HCRTR2: variants seen among roughly 807,000 people sequenced by gnomAD.
HCRTR2 encodes the protein hypocretin receptor 2.
Under a neutral mutation model 49.0 loss-of-function variants are expected in HCRTR2, and 22 were observed. That is an observed-to-expected ratio of 0.45 (90% CI 0.32 to 0.64). HCRTR2 has a LOEUF of 0.64. HCRTR2 is among the 30% of genes least tolerant of loss of function. The pLI, the probability that HCRTR2 is intolerant of heterozygous loss-of-function variation, is 0.04. For synonymous variants in HCRTR2, 236 were observed against 205.3 expected (o/e 1.15, Z -1.28); for missense variants, 491 against 559.4 (o/e 0.88, Z 1.23).
chr6:55,144,504 G>A (rs1764552872), intron 1 of HCRTR2, among the ~76,000 whole-genome samples: 1 of 152,060 alleles, frequency 6.6e-6, no homozygotes. Flanking sequence ...AAACTTCTTG[G>A]TACCAGGGCC....
chr6:55,181,262 C>T (rs913257521), intron 1 of HCRTR2, among the ~76,000 whole-genome samples: 2 of 152,084 alleles, frequency 1.3e-5, no homozygotes, highest in African/African-American at 4.8e-5. Flanking sequence ...ACACATGACC[C>T]ATATGACCAG....
intron 1 of HCRTR2, among the ~76,000 whole-genome samples, chr6:55,230,266 G>T (rs2127299611): frequency 6.6e-6 from 1 of 152,210 alleles, no homozygotes; most frequent in South Asian, 2.1e-4. Flanking sequence ...TAAGATTTGA[G>T]CAACAACTAT....
chr6:55,183,002 T>A (rs985549905), intron 1 of HCRTR2, among the ~76,000 whole-genome samples: 12 of 152,208 alleles, frequency 7.9e-5, no homozygotes, highest in African/African-American at 2.9e-4. Context: ...AGCTGATAGA[T>A]ATATCGTTGC....
chr6:55,241,102 T>A (rs1214240479), intron 1 of HCRTR2, among the ~76,000 whole-genome samples: 1 of 150,938 alleles, frequency 6.6e-6, no homozygotes, highest in East Asian at 2.0e-4. Context: ...TATGTATATC[T>A]CCCAATGCTA....
chr6:55,190,090 G>A (rs1765290608), intron 1 of HCRTR2, among the ~76,000 whole-genome samples: 1 of 151,946 alleles, frequency 6.6e-6, no homozygotes, highest in African/African-American at 2.4e-5. Context: ...TTTAGAAAAT[G>A]TCTTCTGGAG....
intron 1 of HCRTR2, among the ~76,000 whole-genome samples, chr6:55,239,116 C>T (rs982449985): frequency 2.6e-5 from 4 of 152,134 alleles, no homozygotes; most frequent in Non-Finnish European, 5.9e-5. Context: ...GTCATTTCCT[C>T]CAAAACAAAT....
At chr6:55,249,909 T>G (rs1433367622) in intron 2 of HCRTR2, among the ~76,000 whole-genome samples, 1 of 152,086 alleles carries the variant, frequency 6.6e-6, no homozygotes, top group Admixed American at 6.6e-5. Context: ...GTCTCCCAGA[T>G]GGTGCCTATA....
chr6:55,222,474 A>G (rs777510991), intron 1 of HCRTR2, among the ~76,000 whole-genome samples: 25 of 152,206 alleles, frequency 1.6e-4, no homozygotes, highest in Non-Finnish European at 3.5e-4. Context: ...ACTCAAAGAG[A>G]TATTTGCACT....
intron 1 of HCRTR2, among the ~76,000 whole-genome samples, chr6:55,115,007 A>C (rs911555517): frequency 6.6e-6 from 1 of 151,808 alleles, no homozygotes; most frequent in African/African-American, 2.4e-5. Context: ...AGAAATGTGC[A>C]AGCTAAGGTT....
chr6:55,117,174 C>T (rs985268488), intron 1 of HCRTR2, among the ~76,000 whole-genome samples: 1 of 151,650 alleles, frequency 6.6e-6, no homozygotes, highest in African/African-American at 2.4e-5. Flanking sequence ...GTTCATAAAC[C>T]AAGGAAAATG....
intron 1 of HCRTR2, among the ~76,000 whole-genome samples, chr6:55,120,614 C>A (rs1364342521): frequency 6.6e-6 from 1 of 150,460 alleles, no homozygotes; most frequent in African/African-American, 2.5e-5. Flanking sequence ...TATCCTGAGA[C>A]TTTCCTGAAG....
rs1394593548 is a variant in HCRTR2, at chr6:55,208,332, A to T, written c.223+33522A>T. On this transcript the variant is annotated intron_variant, in intron 1 of 6. Transcript: ENST00000370862. ...CTCTACGAAAAATAAAAAAATAAAA[A>T]AAAAAAAAAAATAGCCAGGTGTGGT... is the stretch of plus-strand genomic sequence containing the variant. Among the ~76,000 whole-genome samples, 73 of 150,048 alleles carry T rather than the reference A, an allele frequency of 4.9e-4. 1 individual carries two copies. Among genetic ancestry groups the T allele is most frequent in the South Asian group, 1.7e-3 (8 of 4,708 alleles).
chr6:55,180,965 AT>A (rs11441768), intron 1 of HCRTR2, among the ~76,000 whole-genome samples: 4,475 of 139,296 alleles, frequency 0.032, 101 homozygotes, highest in African/African-American at 0.056. Flanking sequence ...ATGCCCAGCT[AT>A]TTTTTTTTTT....
chr6:55,187,337 CG>C (rs1765233797), intron 1 of HCRTR2, among the ~76,000 whole-genome samples: 1 of 139,768 alleles, frequency 7.2e-6, no homozygotes, highest in Non-Finnish European at 1.5e-5. Flanking sequence ...CACTTCAACC[CG>C]GGAGACGGAG....
intron 1 of HCRTR2, among the ~76,000 whole-genome samples, chr6:55,214,105 A>G (rs1417069000): frequency 6.6e-6 from 1 of 152,180 alleles, no homozygotes; most frequent in East Asian, 1.9e-4. Context: ...GCTCCAGAAG[A>G]ACTGTGGTAC....
At chr6:55,118,215 T>C (rs1581780623) in intron 1 of HCRTR2, among the ~76,000 whole-genome samples, 1 of 151,948 alleles carries the variant, frequency 6.6e-6, no homozygotes, top group South Asian at 2.1e-4. Context: ...TCCATGTTCC[T>C]ATAAAGGATA....
In HCRTR2 at chr6:55,155,899, A is replaced by G. The variant is rs533591755; in HGVS notation, c.-377-18312A>G. Among the ~76,000 whole-genome samples the G allele has an allele frequency of 8.6e-5, 13 of 151,970 alleles. No individual in the cohort carries two copies. In the South Asian group the frequency reaches 2.5e-3, roughly 29 times the overall value. ...ACCTAGATGAGAGTGAAAAATGACT[A>G]ATTTTGTGACCATTGTTATATCATA... On this transcript the variant is annotated intron_variant, in intron 1 of 7. Transcript: ENST00000615358.
At chr6:55,133,697 C>CTATCTA (rs1259392041) in intron 1 of HCRTR2, among the ~76,000 whole-genome samples, 2 of 133,962 alleles carry the variant, frequency 1.5e-5, no homozygotes, top group African/African-American at 7.0e-5. Flanking sequence ...ATCTATCTAT[C>CTATCTA]TATCTATATC....
intron 1 of HCRTR2, among the ~76,000 whole-genome samples, chr6:55,244,560 G>A (rs774994193): frequency 6.6e-6 from 1 of 152,050 alleles, no homozygotes; most frequent in Non-Finnish European, 1.5e-5. Flanking sequence ...CTTCAGAGAA[G>A]CACAAAGTCC....
Sources: allele counts gnomAD v4.1 joint callset (sites outside exome capture counted in the v4.1 genomes callset), GRCh38; gene constraint gnomAD v4.1.1; transcripts MANE v1.5; gene names NCBI Gene and HGNC (gene_info 2026-07-23, HGNC 2026-07-21).